CACNA2D1: variants seen among roughly 807,000 people sequenced by gnomAD.
CACNA2D1 encodes calcium voltage-gated channel auxiliary subunit alpha2delta 1, also known as voltage-dependent calcium channel subunit alpha-2/delta-1.
In CACNA2D1, 53 loss-of-function variants were observed where a neutral mutation model predicts 171.5. The observed-to-expected ratio is 0.31, with a 90% CI of 0.25 to 0.39. The LOEUF is 0.39. Among genes scored for constraint, CACNA2D1 ranks in the 10% least tolerant of loss-of-function variants. The pLI, the probability that CACNA2D1 is intolerant of heterozygous loss-of-function variation, is 1.00. For synonymous variants in CACNA2D1, 442 were observed against 443.1 expected, an observed-to-expected ratio of 1.00 and a Z score of 0.03; for missense variants, 903 against 1,299.8, an observed-to-expected ratio of 0.69 and a Z score of 4.69.
Position 82,005,797 on chromosome 7 carries a change from C to T in CACNA2D1, c.1483G>A (p.Glu495Lys). 6.2e-7 allele frequency: 1 copy of T among 1,609,102 alleles called. No individual in the cohort carries two copies. The highest frequency in any genetic ancestry group is 8.5e-7 in the Non-Finnish European group (1 of 1,175,664). Residue 495 changes from glutamate (E) to lysine (K), a missense_variant, in exon 17 of 39, where the codon GAA (glutamate) becomes AAA (lysine). Transcript: ENST00000356860. ...LGVMGVDVSL[E>K]DIKRLTPRFT... Reference sequence around the variant, plus strand: ...CGTGGTGTCAGTCTTTTAATATCTTCCAAAGACACATCTACTCCCATCACA... The same window carrying T: ...CGTGGTGTCAGTCTTTTAATATCTTTCAAAGACACATCTACTCCCATCACA...
At chr7:81,993,325 A>G (rs545588176) in intron 20 of CACNA2D1, among the ~76,000 whole-genome samples, 1 of 152,292 alleles carries the variant, frequency 6.6e-6, no homozygotes, top group South Asian at 2.1e-4. Context: ...AAACATTGTG[A>G]AATGTGCCAA....
chr7:82,443,425 G>T lies in CACNA2D1; in HGVS notation c.35C>A (p.Thr12Lys). The T allele has an allele frequency of 6.2e-7, 1 of 1,607,938 alleles. No homozygotes were observed. Among genetic ancestry groups the T allele is most frequent in the Non-Finnish European group, 8.5e-7 (1 of 1,176,832 alleles). ...AAGCLLALTLTLFQSLLIGPS... is the reference protein window; with the variant it reads ...AAGCLLALTLKLFQSLLIGPS... ...GCCGATGAGCAAAGATTGGAAAAGT[G>T]TCAGAGTCAAGGCCAGCAGGCAGCC... Residue 12 changes from threonine to lysine, a missense_variant, in exon 1 of 39, where the codon ACA becomes AAA. By Grantham distance (78) the Thr-to-Lys change is moderately conservative. Around this residue, in one of 5 missense-constraint regions of CACNA2D1, gnomAD observed 41 missense variants for 27.6 expected, o/e 1.49. Transcript: ENST00000356860.
At chr7:82,169,808 A>C (rs1214525537) in intron 4 of CACNA2D1, among the ~76,000 whole-genome samples, 2 of 151,838 alleles carry the variant, frequency 1.3e-5, no homozygotes, top group Non-Finnish European at 2.9e-5. Flanking sequence ...CTACAACTGT[A>C]ATCACTCAAG....
chr7:82,255,660 T>A (rs1333236733), intron 3 of CACNA2D1, among the ~76,000 whole-genome samples: 1 of 152,124 alleles, frequency 6.6e-6, no homozygotes, highest in Non-Finnish European at 1.5e-5. Flanking sequence ...TAGATTGACA[T>A]AAGAATTAAT....
chr7:82,229,635 C>T (rs1351939715), intron 3 of CACNA2D1, among the ~76,000 whole-genome samples: 10 of 152,026 alleles, frequency 6.6e-5, no homozygotes, highest in Admixed American at 3.3e-4. Flanking sequence ...TCAGAGCACA[C>T]GTAGAGCCTT....
At chr7:82,117,344 G>A (rs1313990639) in intron 5 of CACNA2D1, among the ~76,000 whole-genome samples, 171 bp from the exon 6 acceptor site, 1 of 152,120 alleles carries the variant, frequency 6.6e-6, no homozygotes, top group African/African-American at 2.4e-5. Context: ...TCAGGTATTA[G>A]CACTCACAGT....
intron 5 of CACNA2D1, among the ~76,000 whole-genome samples, chr7:82,132,049 C>G (rs944534144): frequency 6.6e-6 from 1 of 151,948 alleles, no homozygotes; most frequent in Non-Finnish European, 1.5e-5. Context: ...CAAAGTACAA[C>G]ATGTATTTAC....
chr7:82,014,583 A>G, intron 12 of CACNA2D1, 104 bp from the exon 13 acceptor site: 6 of 714,468 alleles, frequency 8.4e-6, no homozygotes, highest in Non-Finnish European at 2.5e-6. Flanking sequence ...TTTCCAGTTG[A>G]ATGATATGAC....
chr7:82,264,163 T>G (rs1339397954), intron 3 of CACNA2D1, among the ~76,000 whole-genome samples: 2 of 152,340 alleles, frequency 1.3e-5, no homozygotes, highest in African/African-American at 4.8e-5. Context: ...GTTTCTGAAC[T>G]GTTTCAATGT....
At chr7:82,257,465 G>T (rs74604047) in intron 3 of CACNA2D1, among the ~76,000 whole-genome samples, 1 of 152,294 alleles carries the variant, frequency 6.6e-6, no homozygotes, top group East Asian at 1.9e-4. Flanking sequence ...TCAATCCACT[G>T]AATCAAATTG....
chr7:82,421,113 C>A (rs746457321), intron 1 of CACNA2D1, among the ~76,000 whole-genome samples: 1 of 152,080 alleles, frequency 6.6e-6, no homozygotes, highest in Non-Finnish European at 1.5e-5. Flanking sequence ...TATTATGCAC[C>A]ACTGATCTCT....
intron 24 of CACNA2D1, among the ~76,000 whole-genome samples, chr7:81,976,591 G>A (rs1014617862): frequency 3.3e-5 from 5 of 151,562 alleles, no homozygotes; most frequent in Admixed American, 6.6e-5. Context: ...ACAGTGGCTC[G>A]CGCCCATAAT....
At chr7:82,215,019 T>C (rs952078081) in intron 3 of CACNA2D1, among the ~76,000 whole-genome samples, 1 of 152,128 alleles carries the variant, frequency 6.6e-6, no homozygotes, top group Non-Finnish European at 1.5e-5. Flanking sequence ...AATAGTCCCA[T>C]AGAGAGTTTT....
intron 1 of CACNA2D1, among the ~76,000 whole-genome samples, chr7:82,363,175 T>C (rs1274488073): frequency 6.7e-6 from 1 of 150,000 alleles, no homozygotes; most frequent in Admixed American, 6.7e-5. Flanking sequence ...AAAGAACACA[T>C]AAAATAGTCT....
At chr7:82,099,422 CTTTTTTTTTTTTTTTTTTTTTTTTTTT>C (rs932080938) in intron 6 of CACNA2D1, among the ~76,000 whole-genome samples, 6 of 40,290 alleles carry the variant, frequency 1.5e-4, no homozygotes, top group East Asian at 8.3e-4. Flanking sequence ...GCAATACCTT[CTTTTTTTTTTTTTTTTTTTTTTTTTTT>C]TTTTTTTTTT....
intron 1 of CACNA2D1, among the ~76,000 whole-genome samples, chr7:82,437,141 T>A (rs7792856): frequency 6.6e-6 from 1 of 151,848 alleles, no homozygotes; most frequent in African/African-American, 2.4e-5. Flanking sequence ...GGTCTGATCA[T>A]GGGTAACTTA....
intron 4 of CACNA2D1, among the ~76,000 whole-genome samples, chr7:82,165,353 T>C (rs1005024736): frequency 1.9e-4 from 29 of 152,038 alleles, no homozygotes; most frequent in African/African-American, 7.0e-4. Context: ...TCACGTACTA[T>C]TGTCATTTTG....
chr7:81,996,375 A>G (rs555962827), intron 19 of CACNA2D1, among the ~76,000 whole-genome samples: 3 of 151,876 alleles, frequency 2.0e-5, no homozygotes, highest in South Asian at 4.1e-4. Flanking sequence ...ATTAAATTCT[A>G]TTGTTCTACA....
intron 34 of CACNA2D1, among the ~76,000 whole-genome samples, chr7:81,963,586 C>T (rs1027135747): frequency 1.3e-5 from 2 of 151,894 alleles, no homozygotes; most frequent in Admixed American, 1.3e-4. Context: ...TCCATGTCGG[C>T]AACCTGATGC....
Sources: allele counts gnomAD v4.1 joint callset (sites outside exome capture counted in the v4.1 genomes callset), GRCh38; gene constraint gnomAD v4.1.1; regional missense constraint gnomAD v4.1.1; transcripts MANE v1.5; gene names NCBI Gene and HGNC (gene_info 2026-07-23, HGNC 2026-07-21).